Variants in MPHOSPH9 observed in about 807,000 individuals in gnomAD.
The protein encoded by MPHOSPH9 is M-phase phosphoprotein 9.
Under a neutral mutation model 145.5 loss-of-function variants are expected in MPHOSPH9, and 88 were observed. The ratio of observed to expected loss-of-function variants is 0.60; its 90% CI spans 0.51 to 0.72. The LOEUF (loss-of-function observed/expected upper bound fraction) is 0.72. Among genes scored for constraint, MPHOSPH9 ranks in the 30% least tolerant of loss-of-function variants. MPHOSPH9 has a pLI of 0.00. For synonymous variants in MPHOSPH9, 435 were observed against 486.2 expected, an observed-to-expected ratio of 0.89 and a Z score of 1.39; for missense variants, 1,238 against 1,386.6, an observed-to-expected ratio of 0.89 and a Z score of 1.70.
chr12:123,234,757 T>C (rs1011996837), upstream of MPHOSPH9, among the ~76,000 whole-genome samples: 10 of 152,218 alleles, frequency 6.6e-5, no homozygotes, highest in South Asian at 2.1e-4. Context: ...TTATATTACA[T>C]AATTCCAAAA....
chr12:123,183,547 C>CAAACAAAA, intron 13 of MPHOSPH9, among the ~76,000 whole-genome samples: 1 of 59,988 alleles, frequency 1.7e-5, no homozygotes, highest in Middle Eastern at 0.013. Context: ...GACTCTGTCT[C>CAAACAAAA]AAAAAAAAAA....
At chr12:123,218,227 C>G in intron 6 of MPHOSPH9, 149 bp downstream of exon 6, 1 of 1,098,340 alleles carries the variant, frequency 9.1e-7, no homozygotes, top group Non-Finnish European at 1.3e-6. Context: ...AGCGAAACTC[C>G]GTCTCAAAAA....
chr12:123,179,512 T>C (rs528737726), intron 15 of MPHOSPH9, among the ~76,000 whole-genome samples: 57 of 151,348 alleles, frequency 3.8e-4, no homozygotes, highest in Non-Finnish European at 7.4e-4. Context: ...GAGGAGGAGG[T>C]TGCAGTGAGC....
intron 15 of MPHOSPH9, among the ~76,000 whole-genome samples, chr12:123,179,199 G>A (rs1029035749): frequency 5.3e-5 from 8 of 152,100 alleles, no homozygotes; most frequent in East Asian, 1.9e-4. Context: ...TGGATGAGAC[G>A]AGAGGATCAC....
Position 123,166,718 on chromosome 12 carries a change from C to T in MPHOSPH9, c.2528G>A (p.Gly843Asp). ...ACTGTCCTGGGTGTCCAGAGGCTGGCCAGTAAAGATGGAATACTCTGCACC... is the reference window on the plus strand; with the variant it reads ...ACTGTCCTGGGTGTCCAGAGGCTGGTCAGTAAAGATGGAATACTCTGCACC... ...IPGAEYSIFTGQPLDTQDSNV... is the reference protein window; with the variant it reads ...IPGAEYSIFTDQPLDTQDSNV... The change falls in exon 17 of 24, where the codon GGC (glycine) becomes GAC (aspartate). Residue 843 changes from glycine (G) to aspartate (D), a missense_variant. Around this residue, in one of 3 missense-constraint regions of MPHOSPH9, gnomAD observed 393 missense variants for 462.5 expected, o/e 0.85. Transcript: ENST00000606320. The T allele has an allele frequency of 1.2e-6, 2 of 1,614,102 alleles. No homozygotes were observed. The highest frequency in any genetic ancestry group is 1.7e-6 in the Non-Finnish European group (2 of 1,180,006).
chr12:123,208,249 C>T (rs2046534236), intron 8 of MPHOSPH9, among the ~76,000 whole-genome samples: 2 of 147,482 alleles, frequency 1.4e-5, no homozygotes, highest in African/African-American at 5.0e-5. Flanking sequence ...AAAGAAAATC[C>T]AGCAAATTGG....
Position 123,202,751 on chromosome 12 carries a change from C to T in MPHOSPH9, c.1654G>A (p.Val552Ile), listed in dbSNP as rs2138356447. The T allele has an allele frequency of 1.2e-6, 2 of 1,614,136 alleles. No individual in the cohort carries two copies. The highest frequency in any genetic ancestry group is 1.7e-6 in the Non-Finnish European group (2 of 1,180,022). ...ACCATGACAGTGTTTTCTTCATCTA[C>T]AGTGTTGACCGAGATATCATTACTA... ...ITSNDISVNT[V>I]DEENTVMVAS... Residue 552 changes from valine (V) to isoleucine (I), a missense_variant, in exon 10 of 24, where the codon GTA becomes ATA. Physicochemically the swap from Val to Ile is conservative, Grantham distance 29. Around this residue, in one of 3 missense-constraint regions of MPHOSPH9, gnomAD observed 837 missense variants for 897.5 expected, o/e 0.93. Transcript: ENST00000606320.
In MPHOSPH9 at chr12:123,230,275, G is replaced by A. The variant is rs901620782; in HGVS notation, c.90C>T (p.Asn30=). The A allele has an allele frequency of 2.0e-6, 3 of 1,516,846 alleles. No homozygotes were observed. Among genetic ancestry groups the A allele is most frequent in the Non-Finnish European group, 8.8e-7 (1 of 1,131,682 alleles). 94.0% of individuals were successfully genotyped at this position (1,516,846 alleles called of 1,614,324 possible). The stretch of plus-strand genomic sequence containing the variant: ...CCCATTCTTACCTATCAGTATTTAA[G>A]TTCAGTCCAAGAGAATGAAGAGAAT... ...DENSLHSLGL[N]LNTDRSSPHL... Residue 30 remains asparagine (N), a synonymous_variant, in exon 2 of 24, where the codon AAC becomes AAT. Coordinates refer to ENST00000606320, the MANE Select transcript of MPHOSPH9 (RefSeq NM_022782.4).
rs1290051699 is a variant in MPHOSPH9 at position 123,155,594 on chromosome 12, C to CGTA, written c.*1212_*1213insTAC. The CGTA allele has an allele frequency of 6.6e-6, 1 of 152,182 alleles. No homozygotes were observed. Among genetic ancestry groups the CGTA allele is most frequent in the Non-Finnish European group, 1.5e-5 (1 of 68,032 alleles). 9.4% of individuals were successfully genotyped at this position (152,182 alleles called of 1,614,324 possible). On this transcript the variant is annotated 3_prime_UTR_variant, in exon 24 of 24. Coordinates refer to ENST00000606320, the MANE Select transcript of MPHOSPH9 (RefSeq NM_022782.4). ...GGATGAGTCTGTTTATCAACATGTA[C>CGTA]CGAGCTGGAATATGTGGGGCACTGC... is the stretch of plus-strand genomic sequence containing the variant.
chr12:123,190,582 T>C (rs2045635238), intron 13 of MPHOSPH9, among the ~76,000 whole-genome samples: 1 of 152,190 alleles, frequency 6.6e-6, no homozygotes, highest in Non-Finnish European at 1.5e-5. Flanking sequence ...GCTGAATGTG[T>C]CAACATGGCA....
chr12:123,224,598 A>G (rs1593241832), intron 3 of MPHOSPH9, among the ~76,000 whole-genome samples: 1 of 152,022 alleles, frequency 6.6e-6, no homozygotes, highest in East Asian at 1.9e-4. Flanking sequence ...TGGGGAAGGA[A>G]CTCCATGTTG....
upstream of MPHOSPH9, among the ~76,000 whole-genome samples, chr12:123,237,217 G>A (rs564527552): frequency 5.3e-5 from 8 of 152,296 alleles, no homozygotes; most frequent in Admixed American, 5.2e-4. Context: ...AGGACTACGG[G>A]AGGCCAAGGC....
rs948270899 is a variant in MPHOSPH9, at chr12:123,166,787, G to A, written c.2459C>T (p.Thr820Ile). 4 of 1,611,292 alleles carry A rather than the reference G, an allele frequency of 2.5e-6. No homozygotes were observed. In the African/African-American group the frequency reaches 5.4e-5, roughly 22 times the overall value. ...CCTGCTGACGTCTGAAGTTGCTAGT[G>A]TGCTATTAGAATGAAAACGGTCAGG... ...RIHVRPSRAN[T>I]LATSDVSRRK... The change falls in exon 17 of 24, where the codon ACA (threonine) becomes ATA (isoleucine). Residue 820 changes from threonine to isoleucine, a missense_variant and splice_region_variant. Around this residue, in one of 3 missense-constraint regions of MPHOSPH9, gnomAD observed 393 missense variants for 462.5 expected, o/e 0.85. Coordinates refer to ENST00000606320, the MANE Select transcript of MPHOSPH9 (RefSeq NM_022782.4).
At chr12:123,165,730 T>C (rs796926567) in intron 17 of MPHOSPH9, 3 of 357,496 alleles carry the variant, frequency 8.4e-6, no homozygotes, top group East Asian at 8.7e-5. Context: ...GGAAAGGCCA[T>C]GTGAGGACAT....
chr12:123,241,326 G>GT (rs746164381), intron 1 of MPHOSPH9, among the ~76,000 whole-genome samples: 1 of 151,528 alleles, frequency 6.6e-6, no homozygotes, highest in African/African-American at 2.4e-5. Context: ...TTATTTTACT[G>GT]TTTTTTGTTG....
chr12:123,175,398 C>A (rs2044801913), intron 16 of MPHOSPH9, among the ~76,000 whole-genome samples: 1 of 152,148 alleles, frequency 6.6e-6, no homozygotes, highest in Non-Finnish European at 1.5e-5. Context: ...TGTGATCCGC[C>A]CGCCTCGGCC....
At chr12:123,169,557 C>T (rs1255631911) in intron 16 of MPHOSPH9, among the ~76,000 whole-genome samples, 2 of 151,620 alleles carry the variant, frequency 1.3e-5, no homozygotes, top group East Asian at 1.9e-4. Flanking sequence ...CTATAACAAG[C>T]ATCTACTCAC....
Position 123,198,229 on chromosome 12 carries a change from C to CA in MPHOSPH9, c.2025+17dup, listed in dbSNP as rs764841679. The CA allele has an allele frequency of 6.3e-6, 10 of 1,583,510 alleles. No homozygotes were observed. The highest frequency in any genetic ancestry group is 1.1e-5 in the South Asian group (1 of 88,558). On this transcript the variant is annotated intron_variant, in intron 12 of 23. Coordinates refer to ENST00000606320, the MANE Select transcript of MPHOSPH9 (RefSeq NM_022782.4). ...TCATTTGTCTCACCAGAACACCCACCAAAAAAAGAGTACTTACCACTTCAA... is the reference window on the plus strand; with the variant it reads ...TCATTTGTCTCACCAGAACACCCACCAAAAAAAAGAGTACTTACCACTTCAA...
chr12:123,217,662 T>C (rs1002482118), intron 6 of MPHOSPH9, among the ~76,000 whole-genome samples: 1 of 152,206 alleles, frequency 6.6e-6, no homozygotes, highest in Non-Finnish European at 1.5e-5. Flanking sequence ...TAATATTTTA[T>C]CCTTTATTAG....
Sources: gnomAD v4.1 joint callset for allele counts (sites outside exome capture counted in the v4.1 genomes callset) on GRCh38, gnomAD v4.1.1 for gene constraint, gnomAD v4.1.1 regional missense constraint, MANE v1.5 for transcripts, NCBI Gene and HGNC (gene_info 2026-07-23, HGNC 2026-07-21) for gene names.